Variants in ZBTB20 observed in about 807,000 individuals in gnomAD.
ZBTB20 encodes zinc finger and BTB domain-containing protein 20.
ZBTB20 carries 9 observed loss-of-function variants against 56.9 expected under a neutral mutation model. The observed-to-expected ratio is 0.16, with a 90% CI of 0.10 to 0.28. The LOEUF (loss-of-function observed/expected upper bound fraction) is 0.28. Among genes scored for constraint, ZBTB20 ranks in the 10% least tolerant of loss-of-function variants. ZBTB20 has a pLI of 1.00. For missense variants in ZBTB20, 655 were observed against 1,003.0 expected, an observed-to-expected ratio of 0.65 and a Z score of 4.69; for synonymous variants, 417 against 420.7, an observed-to-expected ratio of 0.99 and a Z score of 0.11.
intron 7 of ZBTB20, among the ~76,000 whole-genome samples, chr3:114,426,651 C>T (rs1350205109): frequency 1.3e-5 from 2 of 152,046 alleles, no homozygotes; most frequent in African/African-American, 4.8e-5. Context: ...CCTGCATCTA[C>T]GGAATAATCC....
intron 1 of ZBTB20, among the ~76,000 whole-genome samples, chr3:115,105,367 T>C (rs1047639464): frequency 2.6e-5 from 4 of 152,178 alleles, no homozygotes; most frequent in East Asian, 1.9e-4. Context: ...TGAGATCACA[T>C]AGCATAATAA....
intron 7 of ZBTB20, among the ~76,000 whole-genome samples, chr3:114,489,918 A>G (rs899594467): frequency 2.0e-5 from 3 of 152,200 alleles, no homozygotes; most frequent in Non-Finnish European, 4.4e-5. Context: ...ATAATGCTTA[A>G]AATAAATCTG....
At chr3:114,757,803 CAT>C (rs1372543162) in intron 5 of ZBTB20, among the ~76,000 whole-genome samples, 1 of 152,044 alleles carries the variant, frequency 6.6e-6, no homozygotes, top group Non-Finnish European at 1.5e-5. Context: ...TAGAAGGCAA[CAT>C]ATGTTTTATT....
chr3:114,867,131 T>C (rs1234565614), intron 4 of ZBTB20, among the ~76,000 whole-genome samples: 5 of 152,132 alleles, frequency 3.3e-5, no homozygotes, highest in Non-Finnish European at 1.5e-5. Context: ...ATGAGGAGGA[T>C]AATGTTCTGT....
At chr3:114,958,279 A>C (rs531052611) in intron 3 of ZBTB20, among the ~76,000 whole-genome samples, 42 of 152,304 alleles carry the variant, frequency 2.8e-4, no homozygotes, top group African/African-American at 1.0e-3. Context: ...TAAAGAATTT[A>C]TTTTGTAATA....
At chr3:114,503,585 T>A (rs1424786888) in intron 6 of ZBTB20, among the ~76,000 whole-genome samples, 1 of 152,212 alleles carries the variant, frequency 6.6e-6, no homozygotes, top group Non-Finnish European at 1.5e-5. Context: ...AAGAATTATC[T>A]ATAAAAGTTT....
intron 6 of ZBTB20, among the ~76,000 whole-genome samples, chr3:114,523,884 A>C (rs2046917211): frequency 6.6e-6 from 1 of 152,220 alleles, no homozygotes; most frequent in Admixed American, 6.5e-5. Flanking sequence ...GAAACATATT[A>C]TATTTGCTGG....
At chr3:114,638,156 G>C (rs917298609) in intron 6 of ZBTB20, among the ~76,000 whole-genome samples, 1 of 152,080 alleles carries the variant, frequency 6.6e-6, no homozygotes, top group Non-Finnish European at 1.5e-5. Context: ...TAGCCAATAA[G>C]ATCTATGTGG....
At chr3:115,127,723 T>G (rs780669626) in intron 1 of ZBTB20, among the ~76,000 whole-genome samples, 55 of 152,292 alleles carry the variant, frequency 3.6e-4, no homozygotes, top group Non-Finnish European at 2.6e-4. Context: ...TCAAATAAAC[T>G]CAACTGACCG....
At chr3:115,101,359 A>C (rs1165501562) in intron 1 of ZBTB20, among the ~76,000 whole-genome samples, 1 of 152,168 alleles carries the variant, frequency 6.6e-6, no homozygotes, top group South Asian at 2.1e-4. Context: ...GATTTTTTCT[A>C]TATTCTAGTT....
chr3:114,523,009 T>C (rs1356531584), intron 6 of ZBTB20, among the ~76,000 whole-genome samples: 1 of 151,970 alleles, frequency 6.6e-6, no homozygotes, highest in African/African-American at 2.4e-5. Flanking sequence ...TGAATGGAGC[T>C]GAAGAGAAGA....
chr3:114,778,472 T>G (rs545798350), intron 5 of ZBTB20, among the ~76,000 whole-genome samples: 10 of 151,438 alleles, frequency 6.6e-5, no homozygotes, highest in Admixed American at 5.3e-4. Context: ...TAAAAACACT[T>G]GGTAGCAGCA....
intron 7 of ZBTB20, among the ~76,000 whole-genome samples, chr3:114,399,498 G>A (rs1163938253): frequency 6.6e-6 from 1 of 152,146 alleles, no homozygotes; most frequent in African/African-American, 2.4e-5. Flanking sequence ...TTGGTTATTA[G>A]TAGTAATCAA....
At chr3:114,372,961 G>C (rs1361393248) in intron 10 of ZBTB20, among the ~76,000 whole-genome samples, 2 of 151,904 alleles carry the variant, frequency 1.3e-5, no homozygotes, top group Non-Finnish European at 2.9e-5. Context: ...TCTGTCACTA[G>C]GCTAGAGTGC....
intron 6 of ZBTB20, among the ~76,000 whole-genome samples, chr3:114,680,363 G>A (rs542470916): frequency 1.5e-3 from 235 of 152,220 alleles, no homozygotes; most frequent in Non-Finnish European, 2.9e-3. Flanking sequence ...TTCTATAACA[G>A]TATCTATTTC....
At chr3:115,122,582 T>C (rs755609870) in intron 1 of ZBTB20, among the ~76,000 whole-genome samples, 2 of 152,114 alleles carry the variant, frequency 1.3e-5, no homozygotes, top group Non-Finnish European at 2.9e-5. Context: ...TCAGTCAAAA[T>C]GTGTCACAGT....
chr3:114,742,528 C>A (rs1464539702), intron 5 of ZBTB20, among the ~76,000 whole-genome samples: 1 of 152,070 alleles, frequency 6.6e-6, no homozygotes, highest in Admixed American at 6.6e-5. Context: ...TTAAATGTAT[C>A]ATTTAATTTA....
intron 5 of ZBTB20, among the ~76,000 whole-genome samples, chr3:114,748,341 C>CT (rs753505299): frequency 0.092 from 4,335 of 46,922 alleles, 43 homozygotes; most frequent in East Asian, 0.18. Context: ...TTTCTTCTTT[C>CT]TTTCTTTCTT....
intron 6 of ZBTB20, among the ~76,000 whole-genome samples, chr3:114,645,033 T>C (rs1248703586): frequency 6.6e-6 from 1 of 152,004 alleles, no homozygotes; most frequent in Non-Finnish European, 1.5e-5. Context: ...ACATTTATTA[T>C]TAATATAATA....
Sources: allele counts gnomAD v4.1 joint callset (sites outside exome capture counted in the v4.1 genomes callset), GRCh38; gene constraint gnomAD v4.1.1; transcripts MANE v1.5; gene names NCBI Gene and HGNC (gene_info 2026-07-23, HGNC 2026-07-21).